WWOX: variants seen among roughly 807,000 people sequenced by gnomAD.
WWOX encodes the protein WW domain containing oxidoreductase.
WWOX carries 69 observed loss-of-function variants against 46.2 expected under a neutral mutation model. The ratio of observed to expected loss-of-function variants is 1.49; its 90% CI spans 1.23 to 1.82. The LOEUF is 1.82. Ranked by LOEUF, WWOX falls within the 40% of genes most tolerant of loss-of-function variation. The pLI, the probability that WWOX is intolerant of heterozygous loss-of-function variation, is 0.00. For synonymous variants in WWOX, 359 were observed against 202.6 expected (o/e 1.77, Z -6.56); for missense variants, 919 against 542.6 (o/e 1.69, Z -6.89).
At position 78,849,034 on chromosome 16, in the gene WWOX, C is replaced by G. The variant is rs554846104; in HGVS notation, c.1057-362574C>G. On this transcript the variant is annotated intron_variant, in intron 8 of 8. Coordinates refer to ENST00000566780, the MANE Select transcript of WWOX (RefSeq NM_016373.4). ...TGAGCAGCAGTAGGATGGGTGGCCA[C>G]CAGACTGCCATGGGCATGATCACTG... Among the ~76,000 whole-genome samples, 18 of 152,288 alleles carry G rather than the reference C, an allele frequency of 1.2e-4. No individual in the cohort carries two copies. The South Asian group carries it at 3.7e-3, about 32-fold the overall frequency.
At chr16:78,239,749 G>A (rs1334956630) in intron 5 of WWOX, among the ~76,000 whole-genome samples, 1 of 152,028 alleles carries the variant, frequency 6.6e-6, no homozygotes, top group Admixed American at 6.5e-5. Context: ...TGGCCAGGCT[G>A]GTCTCGAACT....
rs770952773 is a variant in WWOX, at chr16:78,422,848, C to T, written c.606-2022C>T. On this transcript the variant is annotated intron_variant, in intron 6 of 8. Coordinates refer to ENST00000566780, the MANE Select transcript of WWOX (RefSeq NM_016373.4). The stretch of plus-strand genomic sequence containing the variant: ...ACACATATATATATATACATATACA[C>T]ACACACACACACACACACACACACA... Among the ~76,000 whole-genome samples, 388 of 70,292 alleles carry T rather than the reference C, an allele frequency of 5.5e-3. 5 individuals carry two copies. The highest frequency in any genetic ancestry group is 0.012 in the African/African-American group (153 of 13,140). 46.1% of individuals were successfully genotyped at this position (70,292 alleles called of 152,430 possible). A position where few individuals can be genotyped will look rare whatever the true frequency, so the allele number is the denominator to read the frequency against.
intron 8 of WWOX, among the ~76,000 whole-genome samples, chr16:79,005,283 G>T (rs551800399): frequency 6.6e-6 from 1 of 152,246 alleles, no homozygotes; most frequent in South Asian, 2.1e-4. Flanking sequence ...AAGGTTCCTT[G>T]ATGACCCCTG....
At chr16:78,628,984 G>C (rs544031062) in intron 8 of WWOX, among the ~76,000 whole-genome samples, 1 of 152,212 alleles carries the variant, frequency 6.6e-6, no homozygotes, top group African/African-American at 2.4e-5. Flanking sequence ...TCCATTCTCA[G>C]GTCTTTTATA....
chr16:78,644,581 C>T (rs2046796822), intron 8 of WWOX, among the ~76,000 whole-genome samples: 1 of 152,124 alleles, frequency 6.6e-6, no homozygotes, highest in Admixed American at 6.5e-5. Context: ...CCTGCCTCAG[C>T]CTCCCAAGTA....
rs990815342 is a variant in WWOX, at chr16:78,412,810, G to C, written c.606-12060G>C. Among the ~76,000 whole-genome samples the C allele has an allele frequency of 1.2e-4, 19 of 152,192 alleles. 1 individual carries two copies. The highest frequency in any genetic ancestry group is 1.2e-3 in the Admixed American group (19 of 15,280). On this transcript the variant is annotated intron_variant, in intron 6 of 8. Transcript: ENST00000566780. ...GATGATGAGAAGTAGATTTGGGTCA[G>C]GGAAGGAGACTGAATGGAGATGAAT...
intron 8 of WWOX, among the ~76,000 whole-genome samples, chr16:78,858,761 C>T (rs2052631242): frequency 6.6e-6 from 1 of 151,744 alleles, no homozygotes; most frequent in African/African-American, 2.4e-5. Flanking sequence ...TCACTGCAGC[C>T]TCAAACTTCT....
intron 8 of WWOX, among the ~76,000 whole-genome samples, chr16:78,575,634 C>A (rs1177198954): frequency 6.6e-6 from 1 of 152,088 alleles, no homozygotes; most frequent in South Asian, 2.1e-4. Context: ...TACTGTGTGC[C>A]ATTAGAGACC....
intron 8 of WWOX, among the ~76,000 whole-genome samples, chr16:78,586,676 G>T (rs528997331): frequency 2.6e-5 from 4 of 152,110 alleles, no homozygotes; most frequent in Non-Finnish European, 4.4e-5. Context: ...GAATGTGTAG[G>T]ATTTTGCTAA....
At chr16:79,191,592 G>T (rs1420187422) in intron 8 of WWOX, among the ~76,000 whole-genome samples, 1 of 152,198 alleles carries the variant, frequency 6.6e-6, no homozygotes, top group Non-Finnish European at 1.5e-5. Flanking sequence ...AATTACTGAT[G>T]ATCATTTGAG....
intron 8 of WWOX, among the ~76,000 whole-genome samples, chr16:78,448,747 T>G (rs2083618553): frequency 6.6e-6 from 1 of 152,204 alleles, no homozygotes; most frequent in Non-Finnish European, 1.5e-5. Context: ...AATAATCATG[T>G]CTTCTCTTGA....
At chr16:79,209,038 G>T (rs539824887) in intron 8 of WWOX, among the ~76,000 whole-genome samples, 2 of 152,168 alleles carry the variant, frequency 1.3e-5, no homozygotes, top group African/African-American at 2.4e-5. Flanking sequence ...TGCCCCTCCT[G>T]TGTACTGTGT....
intron 5 of WWOX, among the ~76,000 whole-genome samples, chr16:78,291,900 G>C (rs930604646): frequency 1.3e-5 from 2 of 151,930 alleles, no homozygotes; most frequent in African/African-American, 4.8e-5. Context: ...TGTGCCTTCG[G>C]GATTGATAGA....
chr16:78,789,852 C>T (rs1228455780), intron 8 of WWOX, among the ~76,000 whole-genome samples: 1 of 152,108 alleles, frequency 6.6e-6, no homozygotes, highest in Admixed American at 6.5e-5. Flanking sequence ...ATTCCTGTGA[C>T]CATATGGCAG....
chr16:78,924,585 G>A (rs1396097814), intron 8 of WWOX, among the ~76,000 whole-genome samples: 2 of 152,148 alleles, frequency 1.3e-5, no homozygotes, highest in Admixed American at 1.3e-4. Flanking sequence ...GGATAAGAAA[G>A]CCAGTATTGG....
chr16:78,732,451 G>A (rs986858389), intron 8 of WWOX, among the ~76,000 whole-genome samples: 1 of 152,178 alleles, frequency 6.6e-6, no homozygotes, highest in African/African-American at 2.4e-5. Context: ...GCCCTCAGAT[G>A]ATTCCAGTTT....
chr16:78,739,436 G>A (rs2049164311), intron 8 of WWOX, among the ~76,000 whole-genome samples: 1 of 152,130 alleles, frequency 6.6e-6, no homozygotes, highest in African/African-American at 2.4e-5. Flanking sequence ...ACACATCTTC[G>A]GTTCCTCCAA....
intron 8 of WWOX, among the ~76,000 whole-genome samples, chr16:78,645,424 C>A (rs960614338): frequency 4.6e-5 from 7 of 152,038 alleles, no homozygotes; most frequent in Non-Finnish European, 1.0e-4. Flanking sequence ...TTTTGTGTTG[C>A]TATAAAGGAA....
At chr16:79,143,438 A>G (rs992798762) in intron 8 of WWOX, among the ~76,000 whole-genome samples, 1 of 152,190 alleles carries the variant, frequency 6.6e-6, no homozygotes, top group Admixed American at 6.5e-5. Flanking sequence ...ACTTACCTGA[A>G]CGGTGGTGTA....
Sources: gnomAD v4.1 joint callset for allele counts (sites outside exome capture counted in the v4.1 genomes callset) on GRCh38, gnomAD v4.1.1 for gene constraint, MANE v1.5 for transcripts, NCBI Gene and HGNC (gene_info 2026-07-23, HGNC 2026-07-21) for gene names.